Variants in PLEKHM3 observed in about 807,000 individuals in gnomAD.
The protein encoded by PLEKHM3 is pleckstrin homology domain-containing family M member 3.
PLEKHM3 carries 45 observed loss-of-function variants against 81.8 expected under a neutral mutation model. The ratio of observed to expected loss-of-function variants is 0.55; its 90% CI spans 0.43 to 0.71. The LOEUF (loss-of-function observed/expected upper bound fraction) is 0.71. Ranked by LOEUF, PLEKHM3 falls within the 30% of genes least tolerant of loss-of-function variation. The pLI is 0.00. For synonymous variants in PLEKHM3, 352 were observed against 356.4 expected (o/e 0.99, Z 0.14); for missense variants, 788 against 924.3 (o/e 0.85, Z 1.91).
chr2:207,950,611 C>T (rs914089384), intron 3 of PLEKHM3, among the ~76,000 whole-genome samples: 5 of 152,078 alleles, frequency 3.3e-5, no homozygotes, highest in African/African-American at 4.8e-5. Context: ...GGGACGTTGA[C>T]GGGTAAAAGC....
chr2:207,921,508 G>T (rs1479467000), intron 5 of PLEKHM3, among the ~76,000 whole-genome samples: 2 of 152,008 alleles, frequency 1.3e-5, no homozygotes. Context: ...ATTTCTTTAT[G>T]GTGGGAACAT....
intron 7 of PLEKHM3, among the ~76,000 whole-genome samples, chr2:207,859,841 C>T (rs1394706078): frequency 1.3e-5 from 2 of 152,144 alleles, no homozygotes; most frequent in African/African-American, 2.4e-5. Flanking sequence ...CAGTGATCCA[C>T]CTGCCTCGGC....
rs778401753 is a variant in PLEKHM3 at position 208,001,572 on chromosome 2, A to G, written c.68T>C (p.Leu23Ser). The change falls in exon 2 of 8, where the codon TTG (leucine) becomes TCG (serine). Residue 23 changes from leucine (L) to serine (S), a missense_variant. Transcript: ENST00000427836. ...LEVTEEFFSTLDSNLEKAVQQ... is the reference protein window; with the variant it reads ...LEVTEEFFSTSDSNLEKAVQQ... ...CACAGCCTTTTCTAGATTACTATCC[A>G]AAGTACTAAAGAATTCCTCCGTAAC... is the stretch of plus-strand genomic sequence containing the variant. 6.2e-7 allele frequency: 1 copy of G among 1,614,196 alleles called. No individual in the cohort carries two copies. Among genetic ancestry groups the G allele is most frequent in the Non-Finnish European group, 8.5e-7 (1 of 1,180,036 alleles).
intron 7 of PLEKHM3, among the ~76,000 whole-genome samples, chr2:207,858,176 A>G (rs563058310): frequency 0.024 from 1,567 of 65,574 alleles, 48 homozygotes; most frequent in African/African-American, 0.081. Context: ...GTGTGTGTGT[A>G]TATATTTTTT....
intron 6 of PLEKHM3, among the ~76,000 whole-genome samples, chr2:207,865,802 AGATATATATATATATAT>A (rs1373803923): frequency 4.6e-4 from 19 of 40,950 alleles, no homozygotes; most frequent in South Asian, 1.5e-3. Context: ...AAAAAAAAAA[AGATATATATATATATAT>A]ATATATATAT....
chr2:207,858,051 T>C (rs965941056), intron 7 of PLEKHM3, among the ~76,000 whole-genome samples: 1 of 151,826 alleles, frequency 6.6e-6, no homozygotes, highest in East Asian at 1.9e-4. Flanking sequence ...TATTTTAAAA[T>C]TGCCCTTGTG....
intron 5 of PLEKHM3, among the ~76,000 whole-genome samples, chr2:207,926,409 T>C (rs1449997218): frequency 6.6e-6 from 1 of 152,184 alleles, no homozygotes; most frequent in Non-Finnish European, 1.5e-5. Context: ...ACCGTGCCTG[T>C]GTGTGACACA....
At chr2:208,004,970 C>T (rs954646846) in intron 1 of PLEKHM3, among the ~76,000 whole-genome samples, 11 of 152,130 alleles carry the variant, frequency 7.2e-5, no homozygotes, top group South Asian at 2.1e-4. Context: ...GGATTAAAGG[C>T]GCCCGCCACC....
At chr2:207,946,539 T>C (rs1559250475) in intron 3 of PLEKHM3, 27 bp from the exon 4 acceptor site, 25 of 1,610,594 alleles carry the variant, frequency 1.6e-5, no homozygotes, top group Non-Finnish European at 2.0e-5. Context: ...GAAGAGTCTA[T>C]GATTGCTGTT....
intron 6 of PLEKHM3, 31 bp downstream of exon 6, chr2:207,908,483 C>A: frequency 6.3e-7 from 1 of 1,592,076 alleles, no homozygotes; most frequent in Non-Finnish European, 8.6e-7. Flanking sequence ...AGGAAAGCAA[C>A]AAAAATGAAA....
intron 6 of PLEKHM3, chr2:207,868,685 T>C (rs986853042): frequency 6.6e-6 from 1 of 152,210 alleles, no homozygotes; most frequent in African/African-American, 2.4e-5. Flanking sequence ...CTTATCCCAA[T>C]CTAAATAGAG....
At chr2:207,860,149 C>CTGTGTGTGTGTGTGTGTGTGTG (rs1491556619) in intron 7 of PLEKHM3, among the ~76,000 whole-genome samples, 2 of 63,798 alleles carry the variant, frequency 3.1e-5, no homozygotes, top group East Asian at 7.3e-4. Context: ...TGAACTCTGC[C>CTGTGTGTGTGTGTGTGTGTGTG]TCTGTGTGTG....
intron 7 of PLEKHM3, among the ~76,000 whole-genome samples, chr2:207,854,867 G>A (rs1030575017): frequency 1.3e-5 from 2 of 152,200 alleles, no homozygotes; most frequent in Non-Finnish European, 2.9e-5. Context: ...TCTTAACTAT[G>A]ACCACAGCTA....
At chr2:207,903,341 G>A (rs1042812933) in intron 6 of PLEKHM3, among the ~76,000 whole-genome samples, 3 of 152,102 alleles carry the variant, frequency 2.0e-5, no homozygotes, top group African/African-American at 4.8e-5. Context: ...GGGTGTGTGT[G>A]TGCGGGGGTG....
intron 6 of PLEKHM3, among the ~76,000 whole-genome samples, chr2:207,903,029 G>A (rs1264585231): frequency 6.6e-6 from 1 of 151,992 alleles, no homozygotes; most frequent in Non-Finnish European, 1.5e-5. Flanking sequence ...AGTGCTGTGG[G>A]TCCTCCCACC....
intron 6 of PLEKHM3, among the ~76,000 whole-genome samples, chr2:207,902,454 C>T (rs1054963485): frequency 1.3e-5 from 2 of 152,206 alleles, no homozygotes; most frequent in Middle Eastern, 3.2e-3. Context: ...GGTAAGACCA[C>T]TGTTTGAATT....
At chr2:207,867,256 C>A (rs2092506627) in intron 6 of PLEKHM3, among the ~76,000 whole-genome samples, 1 of 152,182 alleles carries the variant, frequency 6.6e-6, no homozygotes, top group Admixed American at 6.5e-5. Context: ...ATTCAGGGAT[C>A]CTTTTGCTTC....
intron 1 of PLEKHM3, among the ~76,000 whole-genome samples, chr2:208,002,955 C>A (rs1430961029): frequency 6.6e-6 from 1 of 150,928 alleles, no homozygotes; most frequent in Non-Finnish European, 1.5e-5. Context: ...CTTTTTTAAT[C>A]CTTAACTACT....
At chr2:207,846,046 TGGTATGAA>T (rs1419367885) in intron 7 of PLEKHM3, among the ~76,000 whole-genome samples, 1 of 152,188 alleles carries the variant, frequency 6.6e-6, no homozygotes, top group Admixed American at 6.5e-5. Flanking sequence ...GCCATATGCC[TGGTATGAA>T]GGTCCAGCAG....
Sources: allele counts gnomAD v4.1 joint callset (sites outside exome capture counted in the v4.1 genomes callset), GRCh38; gene constraint gnomAD v4.1.1; transcripts MANE v1.5; gene names NCBI Gene and HGNC (gene_info 2026-07-23, HGNC 2026-07-21).